The following BMAL1 variants were observed in gnomAD, a reference collection of about 807,000 sequenced individuals.
BMAL1 encodes the protein basic helix-loop-helix ARNT like 1.
At chr11:13,357,373 C>T in the BMAL1 span, among the ~76,000 whole-genome samples, 1 of 152,260 alleles carries the variant, frequency 6.6e-6, no homozygotes, top group East Asian at 1.9e-4. This position sits in a 1 kb window ranked among gnomAD's most constrained non-coding sequence, Gnocchi z 4.8. Flanking sequence ...TTTCCCCAGT[C>T]TTCAGCAGAG....
the BMAL1 span, among the ~76,000 whole-genome samples, chr11:13,371,604 C>T: frequency 2.6e-5 from 4 of 152,200 alleles, no homozygotes; most frequent in Non-Finnish European, 5.9e-5. Context: ...GCTGTTTCTG[C>T]ACTTAAATAC....
At chr11:13,385,622 T>TC in the BMAL1 span, 4 of 1,219,160 alleles carry the variant, frequency 3.3e-6, no homozygotes, top group Non-Finnish European at 4.8e-6. Flanking sequence ...ACCCCATGCT[T>TC]CATTTTCCTT....
At chr11:13,317,901 A>G in the BMAL1 span, among the ~76,000 whole-genome samples, 11 of 152,248 alleles carry the variant, frequency 7.2e-5, no homozygotes, top group African/African-American at 2.7e-4. Context: ...TCTGGCTTGC[A>G]GATGTGTTTT....
chr11:13,335,650 A>T, the BMAL1 span, among the ~76,000 whole-genome samples: 6 of 152,230 alleles, frequency 3.9e-5, no homozygotes, highest in South Asian at 1.2e-3. Flanking sequence ...GACTCCAATT[A>T]ACACATAAAC....
At chr11:13,310,536 T>G in the BMAL1 span, among the ~76,000 whole-genome samples, 4 of 152,162 alleles carry the variant, frequency 2.6e-5, no homozygotes, top group South Asian at 8.3e-4. Context: ...TCAGCAAACT[T>G]TTTCTGTAGA....
chr11:13,315,361 G>C, the BMAL1 span, among the ~76,000 whole-genome samples: 2 of 152,204 alleles, frequency 1.3e-5, no homozygotes, highest in Non-Finnish European at 2.9e-5. Flanking sequence ...AGAAGGCTAG[G>C]TCTTGTCCTC....
chr11:13,381,085 C>T, the BMAL1 span: 2 of 1,463,598 alleles, frequency 1.4e-6, no homozygotes, highest in Non-Finnish European at 1.9e-6. Flanking sequence ...CATCCCCTTT[C>T]TCACCTTTAC....
At chr11:13,378,344 A>G in the BMAL1 span, 10 of 1,609,574 alleles carry the variant, frequency 6.2e-6, no homozygotes, top group Admixed American at 1.7e-4. Context: ...TAGGTGGCCC[A>G]AAGAGGACCC....
At chr11:13,313,777 G>A in the BMAL1 span, among the ~76,000 whole-genome samples, 1 of 151,958 alleles carries the variant, frequency 6.6e-6, no homozygotes, top group South Asian at 2.1e-4. Context: ...GCTTTCTTTT[G>A]CTTAAAGCTC....
the BMAL1 span, among the ~76,000 whole-genome samples, chr11:13,336,882 G>A: frequency 6.6e-6 from 1 of 152,234 alleles, no homozygotes; most frequent in African/African-American, 2.4e-5. Context: ...ATCTAGGGTA[G>A]CTGGTGTGTG....
chr11:13,312,469 G>T, the BMAL1 span, among the ~76,000 whole-genome samples: 1 of 152,170 alleles, frequency 6.6e-6, no homozygotes, highest in African/African-American at 2.4e-5. Flanking sequence ...AAGGGCAGAA[G>T]AAGTGTGGGA....
chr11:13,279,522 A>C, the BMAL1 span, among the ~76,000 whole-genome samples: 2 of 152,226 alleles, frequency 1.3e-5, no homozygotes, highest in Non-Finnish European at 2.9e-5. Context: ...AGCTTAAAAT[A>C]ATCATTGCTG....
chr11:13,358,787 A>C, the BMAL1 span, among the ~76,000 whole-genome samples: 1 of 152,168 alleles, frequency 6.6e-6, no homozygotes, highest in Non-Finnish European at 1.5e-5. Flanking sequence ...TTGACATGCA[A>C]TTTTGCAGTC....
chr11:13,385,657 C>T, the BMAL1 span: 2 of 1,546,656 alleles, frequency 1.3e-6, no homozygotes, highest in African/African-American at 2.7e-5. Context: ...AATACTGATT[C>T]AAACTTCACA....
chr11:13,334,299 G>C, the BMAL1 span, among the ~76,000 whole-genome samples: 14 of 152,224 alleles, frequency 9.2e-5, no homozygotes, highest in Admixed American at 9.2e-4. Flanking sequence ...TGGTGCACTA[G>C]ACTTGGGCTG....
At chr11:13,344,700 C>T in the BMAL1 span, among the ~76,000 whole-genome samples, 1 of 152,138 alleles carries the variant, frequency 6.6e-6, no homozygotes, top group African/African-American at 2.4e-5. Context: ...CCATGGAGGT[C>T]GGACAGGACT....
chr11:13,358,991 A>G, the BMAL1 span, among the ~76,000 whole-genome samples: 2 of 152,234 alleles, frequency 1.3e-5, no homozygotes, highest in African/African-American at 2.4e-5. Flanking sequence ...CAGTTCAAAG[A>G]TGAAAATTCA....
chr11:13,307,724 A>G, the BMAL1 span, among the ~76,000 whole-genome samples: 5 of 152,172 alleles, frequency 3.3e-5, no homozygotes, highest in African/African-American at 1.2e-4. Context: ...CCCTCCCTTT[A>G]AAGAGCTTCC....
chr11:13,376,482 A>G, the BMAL1 span: 6 of 746,098 alleles, frequency 8.0e-6, no homozygotes, highest in Non-Finnish European at 1.2e-5. Context: ...TATCCATTAT[A>G]TTATCAAACA....
Sources: allele counts gnomAD v4.1 joint callset (sites outside exome capture counted in the v4.1 genomes callset), GRCh38; gene constraint gnomAD v4.1.1; non-coding constraint Gnocchi (gnomAD v3.1); transcripts MANE v1.5; gene names NCBI Gene and HGNC (gene_info 2026-07-23, HGNC 2026-07-21).